EXPH5: variants seen among roughly 807,000 people sequenced by gnomAD.
EXPH5 encodes exophilin-5.
In EXPH5, 42 loss-of-function variants were observed where a neutral mutation model predicts 41.1. The ratio of observed to expected loss-of-function variants is 1.02; its 90% CI spans 0.80 to 1.32. The LOEUF is 1.32. Among genes scored for constraint, EXPH5 ranks in the 40% most tolerant of loss-of-function variants. EXPH5 has a pLI of 0.00. For missense variants in EXPH5, 2,298 were observed against 2,314.5 expected, an observed-to-expected ratio of 0.99 and a Z score of 0.15; for synonymous variants, 798 against 833.5, an observed-to-expected ratio of 0.96 and a Z score of 0.73.
intron 3 of EXPH5, among the ~76,000 whole-genome samples, chr11:108,533,406 T>C (rs1431035642): frequency 1.3e-5 from 2 of 152,214 alleles, no homozygotes; most frequent in African/African-American, 2.4e-5. Context: ...GGTTTCACCA[T>C]GTTGGCCAGA....
intron 3 of EXPH5, 129 bp from the exon 4 acceptor site, chr11:108,528,313 G>C: frequency 1.6e-6 from 1 of 633,558 alleles, no homozygotes; most frequent in Non-Finnish European, 2.8e-6. Flanking sequence ...ACTGTAGAAA[G>C]ATGTTTCTTC....
chr11:108,596,481 T>C (rs1456879951), upstream of EXPH5, among the ~76,000 whole-genome samples: 1 of 152,202 alleles, frequency 6.6e-6, no homozygotes, highest in Non-Finnish European at 1.5e-5. Flanking sequence ...TATTTGATAG[T>C]ATGAGAAACA....
chr11:108,522,020 A>G (rs1343960567), intron 4 of EXPH5, among the ~76,000 whole-genome samples: 3 of 152,146 alleles, frequency 2.0e-5, no homozygotes, highest in African/African-American at 7.2e-5. Flanking sequence ...GACCCTGAGT[A>G]TAATTTCCTC....
chr11:108,534,305 T>C (rs1029731512), intron 3 of EXPH5, among the ~76,000 whole-genome samples: 3 of 152,226 alleles, frequency 2.0e-5, no homozygotes, highest in Non-Finnish European at 2.9e-5. Context: ...TTATCTGTCA[T>C]GTGTATAAAA....
chr11:108,606,857 T>C, the EXPH5 span, among the ~76,000 whole-genome samples: 1 of 145,856 alleles, frequency 6.9e-6, no homozygotes, highest in Non-Finnish European at 1.5e-5. Flanking sequence ...AGGTTCAATT[T>C]TGTCATACCA....
chr11:108,592,523 C>T (rs1175785359), intron 1 of EXPH5, among the ~76,000 whole-genome samples: 1 of 152,172 alleles, frequency 6.6e-6, no homozygotes, highest in Non-Finnish European at 1.5e-5. Context: ...AATTCCCTTC[C>T]ACAGTTATCT....
intron 3 of EXPH5, among the ~76,000 whole-genome samples, chr11:108,535,584 T>A (rs1034875393): frequency 6.6e-6 from 1 of 151,832 alleles, no homozygotes; most frequent in African/African-American, 2.4e-5. Context: ...AGAAGGCGGG[T>A]AACAGAGAGA....
chr11:108,595,411 G>A (rs963976723), upstream of EXPH5, among the ~76,000 whole-genome samples: 2 of 152,202 alleles, frequency 1.3e-5, no homozygotes, highest in African/African-American at 2.4e-5. Context: ...AGGGGGTGGT[G>A]GGAGGAGATG....
chr11:108,513,732 A>T lies in EXPH5; in HGVS notation c.1775T>A (p.Val592Asp). The T allele has an allele frequency of 6.2e-7, 1 of 1,612,230 alleles. No homozygotes were observed. The highest frequency in any genetic ancestry group is 8.5e-7 in the Non-Finnish European group (1 of 1,179,346). ...TTGACTTACCAACTCACTAGATTTGACGTGATAGCTTGAACCAGTCATGGA... is the reference window on the plus strand; with the variant it reads ...TTGACTTACCAACTCACTAGATTTGTCGTGATAGCTTGAACCAGTCATGGA... ...VCSMTGSSYHVKSSELVSQQD... is the reference protein window; with the variant it reads ...VCSMTGSSYHDKSSELVSQQD... The change falls in exon 6 of 6, where the codon GTC (valine) becomes GAC (aspartate). Residue 592 changes from valine to aspartate, a missense_variant. Transcript: ENST00000265843.
chr11:108,593,602 A>G lies in EXPH5; in HGVS notation c.-66T>C. 2 of 1,612,170 alleles carry G rather than the reference A, an allele frequency of 1.2e-6. No homozygotes were observed. Among genetic ancestry groups the G allele is most frequent in the South Asian group, 1.1e-5 (1 of 90,804 alleles). On this transcript the variant is annotated 5_prime_UTR_variant, in exon 1 of 6. Coordinates refer to ENST00000265843, the MANE Select transcript of EXPH5 (RefSeq NM_015065.3). Reference sequence around the variant, plus strand: ...CCTCCTGTTAGGAAGGCATTTTTCAACCTGTACAAGACCAGTTTCACGAAC... The same window carrying G: ...CCTCCTGTTAGGAAGGCATTTTTCAGCCTGTACAAGACCAGTTTCACGAAC...
upstream of EXPH5, among the ~76,000 whole-genome samples, chr11:108,595,626 T>C (rs2094137831): frequency 6.7e-6 from 1 of 149,558 alleles, no homozygotes; most frequent in Admixed American, 6.6e-5. Flanking sequence ...CTTCCTCTTT[T>C]TATGTAGAAA....
intron 1 of EXPH5, among the ~76,000 whole-genome samples, chr11:108,570,826 A>G (rs1020929694): frequency 2.0e-4 from 31 of 152,230 alleles, no homozygotes; most frequent in African/African-American, 7.5e-4. Context: ...GATTACTGGC[A>G]TGAGCCACCA....
chr11:108,518,440 C>G (rs1591676987), intron 4 of EXPH5, 67 bp from the exon 5 acceptor site: 1 of 1,442,210 alleles, frequency 6.9e-7, no homozygotes, highest in East Asian at 2.3e-5. Context: ...TCACACGCTC[C>G]CACCAAACTG....
intron 3 of EXPH5, among the ~76,000 whole-genome samples, chr11:108,532,339 G>GAGATATATATAT (rs1471861001): frequency 8.5e-5 from 2 of 23,426 alleles, no homozygotes; most frequent in East Asian, 7.9e-4. Flanking sequence ...CACCACACTG[G>GAGATATATATAT]ATATATATAT....
intron 3 of EXPH5, among the ~76,000 whole-genome samples, chr11:108,537,324 G>C (rs2096453123): frequency 6.6e-6 from 1 of 152,088 alleles, no homozygotes. Context: ...ATTATATTCT[G>C]CACCAGCAGA....
At chr11:108,579,554 T>G (rs201199643) in intron 1 of EXPH5, among the ~76,000 whole-genome samples, 2 of 149,500 alleles carry the variant, frequency 1.3e-5, no homozygotes, top group African/African-American at 2.4e-5. Context: ...AAAAAAAAAG[T>G]AAATATGGGG....
intron 1 of EXPH5, among the ~76,000 whole-genome samples, chr11:108,581,115 G>A (rs2136113585): frequency 6.6e-6 from 1 of 152,138 alleles, no homozygotes; most frequent in South Asian, 2.1e-4. Context: ...GAAAGCCCAG[G>A]CAACATGGCG....
chr11:108,530,572 G>A (rs569787586), intron 3 of EXPH5, among the ~76,000 whole-genome samples: 22 of 152,320 alleles, frequency 1.4e-4, no homozygotes, highest in Non-Finnish European at 3.2e-4. Context: ...CAATATGCCT[G>A]GAGCCAGGAC....
intron 1 of EXPH5, among the ~76,000 whole-genome samples, chr11:108,565,591 A>G (rs74435620): frequency 0.11 from 15,987 of 152,210 alleles, 843 homozygotes; most frequent in Non-Finnish European, 0.11. Context: ...TTCCCAGCCA[A>G]TTGCCCTGGG....
Sources: gnomAD v4.1 joint callset for allele counts (sites outside exome capture counted in the v4.1 genomes callset) on GRCh38, gnomAD v4.1.1 for gene constraint, MANE v1.5 for transcripts, NCBI Gene and HGNC (gene_info 2026-07-23, HGNC 2026-07-21) for gene names.